The following CDH13 variants were observed in gnomAD, a reference collection of about 807,000 sequenced individuals.
CDH13 encodes cadherin 13, also known as cadherin-13.
CDH13 carries 24 observed loss-of-function variants against 63.8 expected under a neutral mutation model. That is an observed-to-expected ratio of 0.38 (90% CI 0.27 to 0.53). The LOEUF is 0.53. Ranked by LOEUF, CDH13 falls within the 20% of genes least tolerant of loss-of-function variation. The pLI is 0.85. For synonymous variants in CDH13, 503 were observed against 355.3 expected (o/e 1.42, Z -4.67); for missense variants, 1,049 against 903.1 (o/e 1.16, Z -2.07).
At chr16:83,210,607 A>C (rs1299929357) in intron 4 of CDH13, among the ~76,000 whole-genome samples, 1 of 152,030 alleles carries the variant, frequency 6.6e-6, no homozygotes, top group African/African-American at 2.4e-5. Context: ...GCTACTTGAG[A>C]TCTGGGTTAA....
chr16:82,657,673 C>A (rs1911454882), intron 1 of CDH13, among the ~76,000 whole-genome samples: 1 of 152,048 alleles, frequency 6.6e-6, no homozygotes. Flanking sequence ...TGTAAATATT[C>A]CAATTTGGGG....
chr16:83,720,305 TCATGCACACACATGCACA>T (rs1440038210), intron 10 of CDH13, among the ~76,000 whole-genome samples: 2 of 151,920 alleles, frequency 1.3e-5, no homozygotes, highest in Non-Finnish European at 2.9e-5. Flanking sequence ...ATACATGCAC[TCATGCACACACATGCACA>T]CACATTCACA....
chr16:83,747,111 A>G (rs929114427), intron 10 of CDH13, among the ~76,000 whole-genome samples: 1 of 152,228 alleles, frequency 6.6e-6, no homozygotes, highest in Admixed American at 6.5e-5. Context: ...AGTGTCGCAT[A>G]TGGGCTAAGC....
At chr16:83,076,234 C>T (rs1306492010) in intron 3 of CDH13, among the ~76,000 whole-genome samples, 1 of 152,078 alleles carries the variant, frequency 6.6e-6, no homozygotes, top group African/African-American at 2.4e-5. Flanking sequence ...GATAATATTC[C>T]AAAAAGAAAA....
At chr16:83,507,317 G>A (rs1434061445) in intron 7 of CDH13, among the ~76,000 whole-genome samples, 1 of 152,208 alleles carries the variant, frequency 6.6e-6, no homozygotes, top group African/African-American at 2.4e-5. Flanking sequence ...CTTCAAAGAG[G>A]TATTGTTATT....
chr16:83,008,560 C>T (rs973685324), intron 2 of CDH13, among the ~76,000 whole-genome samples: 2 of 152,214 alleles, frequency 1.3e-5, no homozygotes, highest in African/African-American at 4.8e-5. Flanking sequence ...GGAACTTTAA[C>T]TCCTAATTAG....
chr16:83,171,337 C>G, intron 4 of CDH13, among the ~76,000 whole-genome samples: 1 of 152,084 alleles, frequency 6.6e-6, no homozygotes, highest in East Asian at 1.9e-4. Flanking sequence ...GGTCCTAAAC[C>G]ATTCATGGAG....
intron 11 of CDH13, among the ~76,000 whole-genome samples, chr16:83,768,701 T>C (rs763096942): frequency 6.6e-6 from 1 of 152,180 alleles, no homozygotes; most frequent in Non-Finnish European, 1.5e-5. Context: ...ATGTCTCCCC[T>C]TTTTAGACCA....
At chr16:83,587,414 T>C (rs1294826974) in intron 7 of CDH13, among the ~76,000 whole-genome samples, 1 of 152,202 alleles carries the variant, frequency 6.6e-6, no homozygotes, top group Non-Finnish European at 1.5e-5. Flanking sequence ...CACCGACCCC[T>C]CGGTGAGCTC....
chr16:83,172,140 C>T (rs559178860), intron 4 of CDH13, among the ~76,000 whole-genome samples: 1 of 150,560 alleles, frequency 6.6e-6, no homozygotes, highest in Admixed American at 6.6e-5. Flanking sequence ...ATGACTGATG[C>T]CTATAAAAAG....
chr16:83,733,966 C>T (rs1911290069), intron 10 of CDH13, among the ~76,000 whole-genome samples: 1 of 152,200 alleles, frequency 6.6e-6, no homozygotes, highest in African/African-American at 2.4e-5. Flanking sequence ...AACTCTGAAG[C>T]AGAGCACCAG....
intron 1 of CDH13, among the ~76,000 whole-genome samples, chr16:82,652,221 T>C (rs1342270914): frequency 5.3e-5 from 8 of 152,174 alleles, no homozygotes; most frequent in Non-Finnish European, 1.2e-4. Context: ...AAAATCATTA[T>C]TGGTTTGTCA....
intron 6 of CDH13, 85 bp from the exon 7 acceptor site, chr16:83,486,392 C>A: frequency 8.8e-7 from 1 of 1,138,304 alleles, no homozygotes; most frequent in Admixed American, 2.0e-5. Flanking sequence ...CACTGCTGCA[C>A]TGCTATTGCC....
At chr16:82,899,971 A>G (rs1462649577) in intron 2 of CDH13, among the ~76,000 whole-genome samples, 1 of 151,554 alleles carries the variant, frequency 6.6e-6, no homozygotes, top group Admixed American at 6.6e-5. Context: ...GAATGTCATC[A>G]GAAATCTACA....
chr16:83,172,460 C>G (rs902237395), intron 4 of CDH13, among the ~76,000 whole-genome samples: 5 of 151,892 alleles, frequency 3.3e-5, no homozygotes, highest in African/African-American at 1.2e-4. Flanking sequence ...CATTGCACTT[C>G]AGCCTAGGTG....
In CDH13 at chr16:82,840,915, G is replaced by T. The variant is rs895857736; in HGVS notation, c.46-17447G>T. ...AGTGGAAACTCAGGTGCTTGGCAAG[G>T]TCAGAAAGTTAGTGTCAATGAGTGA... is the stretch of plus-strand genomic sequence containing the variant. On this transcript the variant is annotated intron_variant, in intron 1 of 13. Transcript: ENST00000567109. Among the ~76,000 whole-genome samples the T allele has an allele frequency of 1.4e-4, 22 of 152,260 alleles. 1 individual carries two copies. The highest frequency in any genetic ancestry group is 2.2e-4 in the African/African-American group (9 of 41,550).
intron 5 of CDH13, among the ~76,000 whole-genome samples, chr16:83,305,876 G>A (rs1278897335): frequency 6.6e-6 from 1 of 152,192 alleles, no homozygotes; most frequent in African/African-American, 2.4e-5. Flanking sequence ...CCTGGACTCT[G>A]TGTCCTAATC....
chr16:83,245,968 C>G (rs1904951037), intron 5 of CDH13, among the ~76,000 whole-genome samples: 1 of 152,186 alleles, frequency 6.6e-6, no homozygotes. Flanking sequence ...CACTTTTGAA[C>G]TCAAGCTATC....
intron 5 of CDH13, among the ~76,000 whole-genome samples, chr16:83,271,087 A>T (rs1026237621): frequency 7.2e-5 from 11 of 151,758 alleles, no homozygotes; most frequent in African/African-American, 2.2e-4. Context: ...AGTCCTGCCC[A>T]CTCAGCATAT....
Sources: allele counts gnomAD v4.1 joint callset (sites outside exome capture counted in the v4.1 genomes callset), GRCh38; gene constraint gnomAD v4.1.1; transcripts MANE v1.5; gene names NCBI Gene and HGNC (gene_info 2026-07-23, HGNC 2026-07-21).